GABRG1: variants seen among roughly 807,000 people sequenced by gnomAD.
GABRG1 encodes gamma-aminobutyric acid receptor subunit gamma-1.
A neutral mutation model predicts 49.8 loss-of-function variants in GABRG1; 49 were observed. That is an observed-to-expected ratio of 0.98 (90% CI 0.78 to 1.25). GABRG1 has a LOEUF of 1.25. GABRG1 is among the 50% of genes most tolerant of loss of function. GABRG1 has a pLI of 0.00. For synonymous variants in GABRG1, 232 were observed against 185.1 expected (o/e 1.25, Z -2.06); for missense variants, 552 against 552.3 (o/e 1.00, Z 0.01).
Position 46,040,053 on chromosome 4 carries a change from A to C in GABRG1, c.*935T>G, listed in dbSNP as rs2109389572. 6.6e-6 allele frequency: 1 copy of C among 151,870 alleles called. No homozygotes were observed. Among genetic ancestry groups the C allele is most frequent in the East Asian group, 1.9e-4 (1 of 5,170 alleles). The allele number at this position is 151,870 out of a possible 1,614,324, so 9.4% of individuals were successfully genotyped here. Reference sequence around the variant, plus strand: ...CGGCAACTCAGTTTGCCAGGTAATAATTTTTTAACCACGTGAGTAAATACA... The same window carrying C: ...CGGCAACTCAGTTTGCCAGGTAATACTTTTTTAACCACGTGAGTAAATACA... On this transcript the variant is annotated 3_prime_UTR_variant, in exon 9 of 9. Coordinates refer to ENST00000295452, the MANE Select transcript of GABRG1 (RefSeq NM_173536.4).
chr4:46,104,836 A>G (rs1377815484), intron 1 of GABRG1, among the ~76,000 whole-genome samples: 1 of 151,452 alleles, frequency 6.6e-6, no homozygotes, highest in East Asian at 2.0e-4. Context: ...ATCATGGAAA[A>G]TAGAAGCCTT....
At chr4:46,084,637 C>T (rs1419113065) in intron 2 of GABRG1, among the ~76,000 whole-genome samples, 1 of 151,700 alleles carries the variant, frequency 6.6e-6, no homozygotes, top group East Asian at 1.9e-4. Flanking sequence ...TAATAAAACA[C>T]ACAACACTTA....
At chr4:46,113,195 G>A (rs1403971736) in intron 1 of GABRG1, among the ~76,000 whole-genome samples, 1 of 150,988 alleles carries the variant, frequency 6.6e-6, no homozygotes, top group Non-Finnish European at 1.5e-5. Flanking sequence ...ATAAAGAACT[G>A]CCCAAGACTG....
rs372851798 is a variant in GABRG1 at position 46,038,037 on chromosome 4, CTTAAT to C, written c.*2946_*2950del. Reference sequence around the variant, plus strand: ...TTCATATTTATACACATTTACTGTGCTTAATTTAAAGTTGATCAATTTTAAAAACT... The same window carrying C: ...TTCATATTTATACACATTTACTGTGCTTAAAGTTGATCAATTTTAAAAACT... On this transcript the variant is annotated 3_prime_UTR_variant, in exon 9 of 9. Coordinates refer to ENST00000295452, the MANE Select transcript of GABRG1 (RefSeq NM_173536.4). 101 of 151,734 alleles carry C rather than the reference CTTAAT, an allele frequency of 6.7e-4. No individual in the cohort carries two copies. Among genetic ancestry groups the C allele is most frequent in the African/African-American group, 2.3e-3 (94 of 41,512 alleles). 9.4% of individuals were successfully genotyped at this position (151,734 alleles called of 1,614,324 possible). A position where few individuals can be genotyped will look rare whatever the true frequency, so the allele number is the denominator to read the frequency against.
At position 46,040,897 on chromosome 4, in the gene GABRG1, C is replaced by T. The variant is rs145825697; in HGVS notation, c.*91G>A. The T allele has an allele frequency of 7.8e-7, 1 of 1,287,564 alleles. No homozygotes were observed. Among genetic ancestry groups the T allele is most frequent in the Admixed American group, 2.2e-5 (1 of 46,100 alleles). 79.8% of individuals were successfully genotyped at this position (1,287,564 alleles called of 1,614,324 possible). A position where few individuals can be genotyped will look rare whatever the true frequency, so the allele number is the denominator to read the frequency against. On this transcript the variant is annotated 3_prime_UTR_variant, in exon 9 of 9. Coordinates refer to ENST00000295452, the MANE Select transcript of GABRG1 (RefSeq NM_173536.4). ...CACATTTTAACCATTGGTCTCTCTG[C>T]ATTTTAAATTTAAACTTCAAGTTAC...
At chr4:46,110,588 G>T (rs1217875009) in intron 1 of GABRG1, among the ~76,000 whole-genome samples, 1 of 150,972 alleles carries the variant, frequency 6.6e-6, no homozygotes, top group Non-Finnish European at 1.5e-5. Flanking sequence ...GATGAACATA[G>T]ATGCAAAAAC....
intron 3 of GABRG1, 37 bp from the exon 4 acceptor site, chr4:46,065,621 C>A: frequency 1.1e-6 from 1 of 933,016 alleles, no homozygotes; most frequent in South Asian, 1.5e-5. Context: ...ATTAGTAAAG[C>A]TACTATTTTA....
chr4:46,106,489 T>C (rs915029259), intron 1 of GABRG1, among the ~76,000 whole-genome samples: 2 of 151,498 alleles, frequency 1.3e-5, no homozygotes, highest in Non-Finnish European at 3.0e-5. Context: ...TTTGCCATTG[T>C]TTTATTTTGC....
chr4:46,117,750 A>T (rs1365975994), intron 1 of GABRG1, among the ~76,000 whole-genome samples: 1 of 143,716 alleles, frequency 7.0e-6, no homozygotes, highest in Non-Finnish European at 1.5e-5. Flanking sequence ...ACACATATAC[A>T]TACATGTATA....
chr4:46,121,886 A>G (rs1329672166), intron 1 of GABRG1, among the ~76,000 whole-genome samples: 1 of 152,100 alleles, frequency 6.6e-6, no homozygotes, highest in African/African-American at 2.4e-5. Context: ...TTCCTCACTT[A>G]TACATATGGT....
At position 46,115,890 on chromosome 4, in the gene GABRG1, A is replaced by G. The variant is rs550842383; in HGVS notation, c.104+7920T>C. ...TAGCTAATGAAAAAAGAGTAATATC[A>G]GAATACATTTAAAAAATTAATTGGT... On this transcript the variant is annotated intron_variant, in intron 1 of 8. Transcript: ENST00000295452. Among the ~76,000 whole-genome samples the G allele has an allele frequency of 1.9e-4, 29 of 150,976 alleles. 1 individual carries two copies. The highest frequency in any genetic ancestry group is 1.2e-3 in the Admixed American group (18 of 15,086).
In GABRG1 at chr4:46,041,270, A is replaced by T. The variant is rs758945571; in HGVS notation, c.1132-16T>A. The T allele has an allele frequency of 6.2e-7, 1 of 1,605,084 alleles. No homozygotes were observed. Among genetic ancestry groups the T allele is most frequent in the Non-Finnish European group, 8.5e-7 (1 of 1,174,764 alleles). On this transcript the variant is annotated splice_polypyrimidine_tract_variant and intron_variant, in intron 8 of 8. Transcript: ENST00000295452. ...CAGGAGTCATCTGAGCACAATAATAAATGAATTTTTGACATCAAAAAAGTA... is the reference window on the plus strand; with the variant it reads ...CAGGAGTCATCTGAGCACAATAATATATGAATTTTTGACATCAAAAAAGTA...
At position 46,064,535 on chromosome 4, in the gene GABRG1, G is replaced by GA; in HGVS notation, c.543-13dup. The GA allele has an allele frequency of 7.7e-7, 1 of 1,306,822 alleles. No homozygotes were observed. The highest frequency in any genetic ancestry group is 1.0e-6 in the Non-Finnish European group (1 of 955,256). The allele number at this position is 1,306,822 out of a possible 1,614,324, so 81.0% of individuals were successfully genotyped here. A position where few individuals can be genotyped will look rare whatever the true frequency, so the allele number is the denominator to read the frequency against. On this transcript the variant is annotated splice_polypyrimidine_tract_variant and intron_variant, in intron 4 of 8. Coordinates refer to ENST00000295452, the MANE Select transcript of GABRG1 (RefSeq NM_173536.4). ...CATTAATTGTCAATCTATTTAGATG[G>GA]AAAGAAAAGTATTAAATAAAGATAA...
At chr4:46,076,879 G>A (rs1462253686) in intron 3 of GABRG1, among the ~76,000 whole-genome samples, 1 of 151,578 alleles carries the variant, frequency 6.6e-6, no homozygotes, top group African/African-American at 2.4e-5. Flanking sequence ...ACCAAAATCT[G>A]AGAGGTCTAG....
At chr4:46,088,492 A>T (rs1719863029) in intron 2 of GABRG1, among the ~76,000 whole-genome samples, 1 of 151,968 alleles carries the variant, frequency 6.6e-6, no homozygotes, top group Non-Finnish European at 1.5e-5. Flanking sequence ...AGATAGCCAT[A>T]TCACCAATCA....
At chr4:46,098,073 G>C (rs747828023) in intron 1 of GABRG1, among the ~76,000 whole-genome samples, 9 of 151,530 alleles carry the variant, frequency 5.9e-5, no homozygotes, top group Non-Finnish European at 1.3e-4. Context: ...GAAAACCAAG[G>C]ACCACAGAAA....
At chr4:46,118,911 A>C (rs1282838685) in intron 1 of GABRG1, among the ~76,000 whole-genome samples, 1 of 151,368 alleles carries the variant, frequency 6.6e-6, no homozygotes, top group South Asian at 2.1e-4. Context: ...ACCATGTTAG[A>C]TAACTTTTGT....
intron 3 of GABRG1, among the ~76,000 whole-genome samples, chr4:46,067,078 G>A (rs1718946641): frequency 6.6e-6 from 1 of 151,618 alleles, no homozygotes; most frequent in African/African-American, 2.4e-5. Context: ...ATAAGAAATG[G>A]AAGTACAATT....
At chr4:46,098,245 T>A (rs553460155) in intron 1 of GABRG1, among the ~76,000 whole-genome samples, 5 of 151,882 alleles carry the variant, frequency 3.3e-5, no homozygotes, top group African/African-American at 1.2e-4. Context: ...CATCAACAAT[T>A]CATCAAAGGT....
Sources: allele counts gnomAD v4.1 joint callset (sites outside exome capture counted in the v4.1 genomes callset), GRCh38; gene constraint gnomAD v4.1.1; transcripts MANE v1.5; gene names NCBI Gene and HGNC (gene_info 2026-07-23, HGNC 2026-07-21).